The following CTNNA3 variants were observed in gnomAD, a reference collection of about 807,000 sequenced individuals.
CTNNA3 encodes catenin alpha-3.
CTNNA3 carries 76 observed loss-of-function variants against 95.7 expected under a neutral mutation model. The ratio of observed to expected loss-of-function variants is 0.79; its 90% CI spans 0.66 to 0.96. The LOEUF (loss-of-function observed/expected upper bound fraction) is 0.96, where lower values mean the gene tolerates loss of function less well. Ranked by LOEUF, CTNNA3 falls within the 40% of genes least tolerant of loss-of-function variation. The probability of loss-of-function intolerance (pLI) is 0.00; values close to 1 mark genes in which losing one functional copy is unlikely to be tolerated. For missense variants in CTNNA3, 1,191 were observed against 1,089.8 expected, an observed-to-expected ratio of 1.09 and a Z score of -1.31; for synonymous variants, 431 against 374.4, an observed-to-expected ratio of 1.15 and a Z score of -1.74.
chr10:66,332,296 G>T (rs921461794), intron 12 of CTNNA3, among the ~76,000 whole-genome samples: 3 of 151,864 alleles, frequency 2.0e-5, no homozygotes, highest in African/African-American at 7.3e-5. Context: ...AATAGGAGTG[G>T]TGAGAGAGGG....
At chr10:67,512,262 A>G (rs1031070741) in intron 5 of CTNNA3, among the ~76,000 whole-genome samples, 1 of 152,182 alleles carries the variant, frequency 6.6e-6, no homozygotes, top group Non-Finnish European at 1.5e-5. Flanking sequence ...GAATGCTTGT[A>G]GAGAAATGGG....
chr10:67,490,374 C>G (rs1052935984), intron 5 of CTNNA3, among the ~76,000 whole-genome samples: 1 of 152,082 alleles, frequency 6.6e-6, no homozygotes, highest in East Asian at 1.9e-4. Context: ...CTGCTTAAGT[C>G]TGAATCTCCC....
At chr10:66,851,008 C>T (rs748097738) in intron 7 of CTNNA3, among the ~76,000 whole-genome samples, 4 of 152,128 alleles carry the variant, frequency 2.6e-5, no homozygotes, top group Admixed American at 6.6e-5. Flanking sequence ...ATCACCCTCT[C>T]TACCAAAAAC....
intron 5 of CTNNA3, among the ~76,000 whole-genome samples, chr10:67,345,060 CA>C (rs1842359603): frequency 6.6e-6 from 1 of 151,756 alleles, no homozygotes. Flanking sequence ...TCATTTGTTT[CA>C]AAAAATTTTT....
intron 17 of CTNNA3, among the ~76,000 whole-genome samples, chr10:65,923,549 C>A (rs977288024): frequency 6.6e-6 from 1 of 152,214 alleles, no homozygotes; most frequent in African/African-American, 2.4e-5. Flanking sequence ...GCCAGGGTGG[C>A]TTCACAGGCA....
At chr10:66,398,968 A>G (rs1293172086) in intron 11 of CTNNA3, among the ~76,000 whole-genome samples, 1 of 151,892 alleles carries the variant, frequency 6.6e-6, no homozygotes, top group Non-Finnish European at 1.5e-5. Flanking sequence ...CTTTTACTTT[A>G]GTTTTCATTT....
intron 12 of CTNNA3, among the ~76,000 whole-genome samples, chr10:66,304,530 C>T (rs947245862): frequency 6.6e-6 from 1 of 152,048 alleles, no homozygotes; most frequent in African/African-American, 2.4e-5. Context: ...ACTAATAATC[C>T]ATACGCTCAT....
At chr10:66,213,185 T>G (rs2088282526) in intron 13 of CTNNA3, among the ~76,000 whole-genome samples, 1 of 152,190 alleles carries the variant, frequency 6.6e-6, no homozygotes, top group African/African-American at 2.4e-5. Context: ...TTTACTGAAT[T>G]TTCTACTTAT....
rs114678475 is a variant in CTNNA3, at chr10:66,100,938, A to G, written c.1977+2219T>C. ...TTTTCTAACCAAGTCTTCATCGTCT[A>G]CAAGTGCTAAGCCAGAATAAAAACT... On this transcript the variant is annotated intron_variant, in intron 14 of 17. Coordinates refer to ENST00000433211, the MANE Select transcript of CTNNA3 (RefSeq NM_013266.4). 8.6e-3 allele frequency among the ~76,000 whole-genome samples: 1,302 copies of G among 152,268 alleles called. 19 individuals carry two copies. The highest frequency in any genetic ancestry group is 0.029 in the African/African-American group (1,211 of 41,556).
chr10:66,763,905 G>T (rs1415541592), intron 9 of CTNNA3, among the ~76,000 whole-genome samples: 1 of 152,176 alleles, frequency 6.6e-6, no homozygotes, highest in East Asian at 1.9e-4. Context: ...ACCTTTGGCA[G>T]GCTCCATTCC....
At chr10:66,299,252 T>C (rs574181198) in intron 12 of CTNNA3, among the ~76,000 whole-genome samples, 1 of 152,330 alleles carries the variant, frequency 6.6e-6, no homozygotes, top group African/African-American at 2.4e-5. Flanking sequence ...TGAGGCTGTG[T>C]CACAGGCGTG....
intron 8 of CTNNA3, among the ~76,000 whole-genome samples, chr10:66,768,784 CAA>C (rs9331404): frequency 0.85 from 128,277 of 150,568 alleles, 54,760 homozygotes; most frequent in East Asian, 1. Context: ...AGACTGACAG[CAA>C]AAAAAAAAAT....
chr10:67,482,625 C>T (rs1848278681), intron 5 of CTNNA3, among the ~76,000 whole-genome samples: 2 of 152,142 alleles, frequency 1.3e-5, no homozygotes, highest in Admixed American at 1.3e-4. Context: ...GCTGAAGTTG[C>T]TTATCAGCTT....
At chr10:66,926,260 A>G in intron 7 of CTNNA3, 1 of 509,876 alleles carries the variant, frequency 2.0e-6, no homozygotes, top group Non-Finnish European at 3.6e-6. Flanking sequence ...TGTAGGATCC[A>G]GTTTTTTTTT....
chr10:66,797,610 T>A (rs567138901), intron 7 of CTNNA3, among the ~76,000 whole-genome samples: 2 of 152,026 alleles, frequency 1.3e-5, no homozygotes, highest in South Asian at 4.1e-4. Context: ...GCAAAGCCAG[T>A]AACACATATT....
At chr10:66,964,402 T>C (rs925678465) in intron 7 of CTNNA3, among the ~76,000 whole-genome samples, 1 of 152,056 alleles carries the variant, frequency 6.6e-6, no homozygotes, top group Non-Finnish European at 1.5e-5. Context: ...ATTACATACA[T>C]TTTTAAACTG....
intron 7 of CTNNA3, among the ~76,000 whole-genome samples, chr10:66,903,660 G>A (rs1845853191): frequency 6.6e-6 from 1 of 152,146 alleles, no homozygotes; most frequent in Non-Finnish European, 1.5e-5. Context: ...TCCTTAAGCT[G>A]ATAAGCAACT....
chr10:67,443,023 T>A (rs201672320), intron 5 of CTNNA3, among the ~76,000 whole-genome samples: 1 of 142,696 alleles, frequency 7.0e-6, no homozygotes, highest in Non-Finnish European at 1.5e-5. Flanking sequence ...TCAATTCCCA[T>A]CTATGAGTGA....
chr10:66,046,735 G>A (rs1468937875), intron 15 of CTNNA3, among the ~76,000 whole-genome samples: 1 of 151,658 alleles, frequency 6.6e-6, no homozygotes, highest in Non-Finnish European at 1.5e-5. Flanking sequence ...AGACAAATAA[G>A]GAAGAAAAGA....
Sources: gnomAD v4.1 joint callset for allele counts (sites outside exome capture counted in the v4.1 genomes callset) on GRCh38, gnomAD v4.1.1 for gene constraint, MANE v1.5 for transcripts, NCBI Gene and HGNC (gene_info 2026-07-23, HGNC 2026-07-21) for gene names.